OTOGL: variants seen among roughly 807,000 people sequenced by gnomAD.
OTOGL encodes otogelin-like protein.
A neutral mutation model predicts 318.5 loss-of-function variants in OTOGL; 285 were observed. That is an observed-to-expected ratio of 0.89 (90% CI 0.81 to 0.99). The LOEUF is 0.99. Among genes scored for constraint, OTOGL ranks in the 50% least tolerant of loss-of-function variants. The probability of loss-of-function intolerance (pLI) is 0.00; values close to 1 mark genes in which losing one functional copy is unlikely to be tolerated. For missense variants in OTOGL, 2,899 were observed against 2,845.6 expected, an observed-to-expected ratio of 1.02 and a Z score of -0.43; for synonymous variants, 987 against 936.5, an observed-to-expected ratio of 1.05 and a Z score of -0.99.
At chr12:80,252,717 T>C (rs998133766) in intron 13 of OTOGL, among the ~76,000 whole-genome samples, 6 of 152,148 alleles carry the variant, frequency 3.9e-5, no homozygotes, top group African/African-American at 1.4e-4. Context: ...AAAAATAGAA[T>C]CACAGAGATA....
chr12:80,199,101 G>A (rs1325538876), intron 1 of OTOGL, among the ~76,000 whole-genome samples: 3 of 151,992 alleles, frequency 2.0e-5, no homozygotes, highest in African/African-American at 7.3e-5. Flanking sequence ...TCTGTTATTG[G>A]GATGAAGTTC....
At chr12:80,151,412 C>T (rs1872773789) in intron 1 of OTOGL, among the ~76,000 whole-genome samples, 1 of 152,132 alleles carries the variant, frequency 6.6e-6, no homozygotes, top group African/African-American at 2.4e-5. Flanking sequence ...TCTTTCTTAG[C>T]ACTTAAAACA....
intron 1 of OTOGL, among the ~76,000 whole-genome samples, chr12:80,127,517 C>T (rs2137112663): frequency 6.6e-6 from 1 of 152,248 alleles, no homozygotes; most frequent in African/African-American, 2.4e-5. Context: ...AATTGTGTGT[C>T]TTGGAGTTGC....
At chr12:80,145,958 G>A (rs1268755719) in intron 1 of OTOGL, among the ~76,000 whole-genome samples, 7 of 99,506 alleles carry the variant, frequency 7.0e-5, no homozygotes, top group Admixed American at 5.1e-4. Context: ...GAGATTTTGG[G>A]CTGAACAATG....
intron 18 of OTOGL, 136 bp from the exon 19 acceptor site, chr12:80,261,833 T>A: frequency 2.7e-6 from 3 of 1,100,872 alleles, no homozygotes; most frequent in South Asian, 2.6e-5. Flanking sequence ...TACTTTTTTT[T>A]AAACTGGTAG....
At chr12:80,324,950 G>A (rs1258402943) in intron 35 of OTOGL, among the ~76,000 whole-genome samples, 3 of 152,128 alleles carry the variant, frequency 2.0e-5, no homozygotes, top group Admixed American at 6.6e-5. Context: ...AGGATCTGGA[G>A]TTTGATATGG....
At chr12:80,327,769 C>A (rs907953447) in intron 35 of OTOGL, among the ~76,000 whole-genome samples, 5 of 151,228 alleles carry the variant, frequency 3.3e-5, no homozygotes, top group African/African-American at 1.2e-4. Context: ...ACCATCCTGG[C>A]TAACATGGTG....
Position 80,339,247 on chromosome 12 carries a change from A to G in OTOGL, c.5033A>G (p.Tyr1678Cys), listed in dbSNP as rs1323467513. Residue 1678 changes from tyrosine to cysteine, a missense_variant, in exon 43 of 59, where the codon TAC becomes TGC. Transcript: ENST00000547103. Reference sequence around the variant, plus strand: ...GGCTTCCGATTTAACTTGTCATCCTACACAGAAGGACTCTGTGGTGAGCGC... The same window carrying G: ...GGCTTCCGATTTAACTTGTCATCCTGCACAGAAGGACTCTGTGGTGAGCGC... Reference protein sequence around the residue: ...HFGFRFNLSSYTEGLCGICNE... With the variant: ...HFGFRFNLSSCTEGLCGICNE... The G allele has an allele frequency of 1.2e-6, 2 of 1,606,706 alleles. No homozygotes were observed. Among genetic ancestry groups the G allele is most frequent in the Admixed American group, 1.7e-5 (1 of 59,622 alleles).
intron 55 of OTOGL, 56 bp downstream of exon 55, chr12:80,368,365 G>T: frequency 1.5e-6 from 2 of 1,353,760 alleles, no homozygotes; most frequent in Non-Finnish European, 2.0e-6. Flanking sequence ...GAGTTCTTGA[G>T]TCAAAGTTTG....
chr12:80,334,986 C>T (rs1211118154), intron 38 of OTOGL, among the ~76,000 whole-genome samples: 2 of 151,948 alleles, frequency 1.3e-5, no homozygotes, highest in Non-Finnish European at 2.9e-5. Flanking sequence ...AAGAGTCTTA[C>T]TATTTAGAAA....
Position 80,222,158 on chromosome 12 carries a change from C to A in OTOGL, c.402C>A (p.Phe134Leu). ...KTWGQYHFET[F>L]DGIYYYFPGN... Reference sequence around the variant, plus strand: ...GGGGACAGTATCATTTTGAAACATTCGATGGCATCTACTATTACTTCCCAG... The same window carrying A: ...GGGGACAGTATCATTTTGAAACATTAGATGGCATCTACTATTACTTCCCAG... Residue 134 changes from phenylalanine (F) to leucine (L), a missense_variant, in exon 7 of 59, where the codon TTC (phenylalanine) becomes TTA (leucine). By Grantham distance (22) the Phe-to-Leu change is conservative (BLOSUM62 0). Transcript: ENST00000547103. 6.3e-7 allele frequency: 1 copy of A among 1,597,642 alleles called. No individual in the cohort carries two copies. Among genetic ancestry groups the A allele is most frequent in the Non-Finnish European group, 8.5e-7 (1 of 1,178,216 alleles).
intron 1 of OTOGL, among the ~76,000 whole-genome samples, chr12:80,127,623 C>A (rs1465254737): frequency 2.0e-5 from 3 of 152,314 alleles, no homozygotes; most frequent in African/African-American, 7.2e-5. Flanking sequence ...TGCATAATAT[C>A]CTGCAGAGTG....
chr12:80,103,831 A>C (rs1428071867), intron 1 of OTOGL, among the ~76,000 whole-genome samples: 1 of 152,222 alleles, frequency 6.6e-6, no homozygotes, highest in African/African-American at 2.4e-5. Context: ...ATGGGCCTGT[A>C]ATGATGTAAT....
At chr12:80,280,633 C>G in intron 26 of OTOGL, among the ~76,000 whole-genome samples, 1 of 151,866 alleles carries the variant, frequency 6.6e-6, no homozygotes, top group Non-Finnish European at 1.5e-5. Flanking sequence ...TTTGGGTTCT[C>G]TAACCTGTTC....
intron 29 of OTOGL, 71 bp from the exon 30 acceptor site, chr12:80,310,540 T>G: frequency 9.9e-7 from 1 of 1,006,902 alleles, no homozygotes; most frequent in Non-Finnish European, 1.5e-6. Context: ...ATGAGTGAAG[T>G]TGGGTAGGTT....
chr12:80,115,843 T>A (rs180711645), intron 1 of OTOGL, among the ~76,000 whole-genome samples: 205 of 152,290 alleles, frequency 1.3e-3, no homozygotes, highest in African/African-American at 4.7e-3. Flanking sequence ...TGGCTTTGTT[T>A]ACACTGTGAG....
intron 46 of OTOGL, among the ~76,000 whole-genome samples, chr12:80,355,224 C>CTTTCTTTTTTTTTTTTTTT (rs1889799791): frequency 1.5e-5 from 1 of 65,602 alleles, no homozygotes; most frequent in African/African-American, 6.0e-5. Flanking sequence ...TTCTTTCTTT[C>CTTTCTTTTTTTTTTTTTTT]TTTTCTTTTT....
chr12:80,219,892 T>C lies in OTOGL; in HGVS notation c.314T>C (p.Leu105Pro), dbSNP rs943296862. The change falls in exon 6 of 59, where the codon CTT (leucine) becomes CCT (proline). Residue 105 changes from leucine (L) to proline (P), a missense_variant. Leu to Pro is a moderately conservative substitution (Grantham distance 98). Around this residue, in one of 3 missense-constraint regions of OTOGL, gnomAD observed 2,607 missense variants for 2,524.9 expected, o/e 1.03. Coordinates refer to ENST00000547103, the MANE Select transcript of OTOGL (RefSeq NM_001378609.3). ...GTCDCQIFQA[L>P]GTRCQIIPNM... ...TGTGACTGTCAAATATTTCAGGCTC[T>C]TGGGACAAGATGCCAGATCAGTAAG... 6.3e-7 allele frequency: 1 copy of C among 1,583,182 alleles called. No individual in the cohort carries two copies. The highest frequency in any genetic ancestry group is 8.6e-7 in the Non-Finnish European group (1 of 1,166,450).
rs1317350535 is a variant in OTOGL at position 80,296,833 on chromosome 12, G to A, written c.2935G>A (p.Asp979Asn). Residue 979 changes from aspartate to asparagine, a missense_variant, in exon 27 of 59, where the codon GAT becomes AAT. By Grantham distance (23) the Asp-to-Asn change is conservative. Transcript: ENST00000547103. ...AATATTTGTGACATTTCAGAGTGCA[G>A]ATGATTCAGATATATCTGTCATTGC... is the stretch of plus-strand genomic sequence containing the variant. Reference protein sequence around the residue: ...DCQVFLIKSADDSDISVIAQN... With the variant: ...DCQVFLIKSANDSDISVIAQN... 1 of 1,493,294 alleles carries A rather than the reference G, an allele frequency of 6.7e-7. No individual in the cohort carries two copies. Among genetic ancestry groups the A allele is most frequent in the Non-Finnish European group, 9.0e-7 (1 of 1,114,168 alleles). 92.5% of individuals were successfully genotyped at this position (1,493,294 alleles called of 1,614,324 possible).
Sources: gnomAD v4.1 joint callset for allele counts (sites outside exome capture counted in the v4.1 genomes callset) on GRCh38, gnomAD v4.1.1 for gene constraint, gnomAD v4.1.1 regional missense constraint, MANE v1.5 for transcripts, NCBI Gene and HGNC (gene_info 2026-07-23, HGNC 2026-07-21) for gene names.